Variants in SLC17A2 observed in about 807,000 individuals in gnomAD.
The protein encoded by SLC17A2 is solute carrier family 17 member 2.
In SLC17A2, 38 loss-of-function variants were observed where a neutral mutation model predicts 52.1. The ratio of observed to expected loss-of-function variants is 0.73; its 90% CI spans 0.56 to 0.96. SLC17A2 has a LOEUF of 0.96. SLC17A2 is among the 40% of genes least tolerant of loss of function. SLC17A2 has a pLI of 0.00. For synonymous variants in SLC17A2, 226 were observed against 211.9 expected, an observed-to-expected ratio of 1.07 and a Z score of -0.58; for missense variants, 508 against 583.9, an observed-to-expected ratio of 0.87 and a Z score of 1.34.
chr6:25,929,496 T>C (rs1766877449), intron 1 of SLC17A2, among the ~76,000 whole-genome samples: 1 of 152,194 alleles, frequency 6.6e-6, no homozygotes, highest in South Asian at 2.1e-4. Context: ...AAAAGTGCCT[T>C]TGATTGGTTG....
chr6:25,918,901 T>G lies in SLC17A2; in HGVS notation c.563-328A>C, dbSNP rs947673708. Among the ~76,000 whole-genome samples the G allele has an allele frequency of 2.0e-4, 31 of 152,208 alleles. 1 individual carries two copies. The highest frequency in any genetic ancestry group is 2.6e-4 in the Admixed American group (4 of 15,278). On this transcript the variant is annotated intron_variant, in intron 5 of 11. Coordinates refer to ENST00000377850, the MANE Select transcript of SLC17A2 (RefSeq NM_001286123.3). Reference sequence around the variant, plus strand: ...TGATTACAGTTGCATTCTTGCATGATCTAATATGAGGCTAGGGGCAGGAAA... The same window carrying G: ...TGATTACAGTTGCATTCTTGCATGAGCTAATATGAGGCTAGGGGCAGGAAA...
Position 25,918,520 on chromosome 6 carries a change from C to A in SLC17A2, c.616G>T (p.Ala206Ser). Residue 206 changes from alanine (A) to serine (S), a missense_variant, in exon 6 of 12, where the codon GCC becomes TCC. By Grantham distance (99) the Ala-to-Ser change is moderately conservative (BLOSUM62 1). Coordinates refer to ENST00000377850, the MANE Select transcript of SLC17A2 (RefSeq NM_001286123.3). ...TAGAAGATAAAAGGCCAGCTCAAGG[C>A]CTGTGAGATTAGTCCCCCCACACAG... ...ILCVGGLISQ[A>S]LSWPFIFYIF... The A allele has an allele frequency of 6.2e-7, 1 of 1,613,696 alleles. No individual in the cohort carries two copies. Among genetic ancestry groups the A allele is most frequent in the Non-Finnish European group, 8.5e-7 (1 of 1,179,666 alleles).
At chr6:25,920,710 G>A (rs1766518877) in intron 5 of SLC17A2, among the ~76,000 whole-genome samples, 1 of 152,212 alleles carries the variant, frequency 6.6e-6, no homozygotes, top group South Asian at 2.1e-4. Flanking sequence ...TTCCATGTGT[G>A]CAATTCTTAA....
rs927634466 is a variant in SLC17A2, at chr6:25,916,699, C to G, written c.916G>C (p.Val306Leu). The G allele has an allele frequency of 6.2e-7, 1 of 1,613,148 alleles. No homozygotes were observed. The highest frequency in any genetic ancestry group is 1.7e-5 in the Admixed American group (1 of 60,004). Reference protein sequence around the residue: ...LPTYISTLLHVNIRDSGVLSS... With the variant: ...LPTYISTLLHLNIRDSGVLSS... ...AGTAAACTCACATCTCTGATGTTAA[C>G]ATGGAGCAGAGTACTGATATACGTT... is the stretch of plus-strand genomic sequence containing the variant. Residue 306 changes from valine to leucine, a missense_variant, in exon 8 of 12, where the codon GTT (valine) becomes CTT (leucine). Transcript: ENST00000377850.
chr6:25,923,409 T>A (rs1766630904), intron 3 of SLC17A2, among the ~76,000 whole-genome samples: 3 of 152,200 alleles, frequency 2.0e-5, no homozygotes, highest in Non-Finnish European at 2.9e-5. Flanking sequence ...CCTATAAGAA[T>A]GTGCCCAGGT....
chr6:25,917,800 A>G (rs1226541036), intron 6 of SLC17A2, among the ~76,000 whole-genome samples: 3 of 152,224 alleles, frequency 2.0e-5, no homozygotes, highest in Non-Finnish European at 4.4e-5. Context: ...ATCCCCTCTA[A>G]TTACTGGATT....
intron 5 of SLC17A2, among the ~76,000 whole-genome samples, chr6:25,919,694 C>T (rs544029039): frequency 1.6e-3 from 71 of 45,684 alleles, no homozygotes; most frequent in African/African-American, 4.6e-3. Context: ...AGTGAGACAC[C>T]GTCTCAAAAA....
In SLC17A2 at chr6:25,915,654, A is replaced by G; in HGVS notation, c.1064-8T>C. 6.2e-7 allele frequency: 1 copy of G among 1,613,690 alleles called. No homozygotes were observed. Among genetic ancestry groups the G allele is most frequent in the Non-Finnish European group, 8.5e-7 (1 of 1,179,774 alleles). ...TTGATGGAAGGAGGAGCCCTGGGCA[A>G]TGAGGACATGCTGTCAGGGAACCCT... On this transcript the variant is annotated splice_region_variant and splice_polypyrimidine_tract_variant and intron_variant, in intron 9 of 11. Coordinates refer to ENST00000377850, the MANE Select transcript of SLC17A2 (RefSeq NM_001286123.3).
chr6:25,930,540 C>G lies in SLC17A2; in HGVS notation c.-347G>C, dbSNP rs1033315970. On this transcript the variant is annotated 5_prime_UTR_variant, in exon 1 of 12. Transcript: ENST00000377850. ...ACCCAAAAAGAAGAAAAGCACTTACCTTCACCATTAAACCAGTATTTTAAG... is the reference window on the plus strand; with the variant it reads ...ACCCAAAAAGAAGAAAAGCACTTACGTTCACCATTAAACCAGTATTTTAAG... 8 of 152,176 alleles carry G rather than the reference C, an allele frequency of 5.3e-5. No individual in the cohort carries two copies. The highest frequency in any genetic ancestry group is 1.9e-4 in the African/African-American group (8 of 41,434). 9.4% of individuals were successfully genotyped at this position (152,176 alleles called of 1,614,324 possible). A position where few individuals can be genotyped will look rare whatever the true frequency, so the allele number is the denominator to read the frequency against.
chr6:25,921,031 G>T lies in SLC17A2; in HGVS notation c.537C>A (p.Ser179Arg), dbSNP rs780034507. 3 of 1,614,208 alleles carry T rather than the reference G, an allele frequency of 1.9e-6. No individual in the cohort carries two copies. The East Asian group carries it at 6.7e-5, about 36-fold the overall frequency. The change falls in exon 5 of 12, where the codon AGC becomes AGA. Residue 179 changes from serine to arginine, a missense_variant. Transcript: ENST00000377850. ...CTGATCCTGCAATGGTGGTGAGCTT[G>T]CTTCGTTCAAGTGGAGGAGCCCACT... The part of the protein sequence containing the change: ...WAKWAPPLER[S>R]KLTTIAGSGS...
chr6:25,919,428 C>T (rs1766453595), intron 5 of SLC17A2, among the ~76,000 whole-genome samples: 1 of 151,890 alleles, frequency 6.6e-6, no homozygotes, highest in African/African-American at 2.4e-5. Context: ...GAAGTTTTGG[C>T]CGGGCGCGGT....
At chr6:25,924,285 G>C (rs2071297) in intron 2 of SLC17A2, among the ~76,000 whole-genome samples, 53,127 of 152,084 alleles carry the variant, frequency 0.35, 10,413 homozygotes, top group East Asian at 0.7. Flanking sequence ...GGCTGTAAGT[G>C]AATAGTCCCA....
At chr6:25,926,621 T>C (rs1029826698) in intron 1 of SLC17A2, among the ~76,000 whole-genome samples, 3 of 152,208 alleles carry the variant, frequency 2.0e-5, no homozygotes, top group Non-Finnish European at 2.9e-5. Context: ...CAAATTATCT[T>C]TGGGGATGCA....
In SLC17A2 at chr6:25,925,438, G is replaced by A. The variant is rs182470549; in HGVS notation, c.28+331C>T. 1.9e-3 allele frequency among the ~76,000 whole-genome samples: 284 copies of A among 151,074 alleles called. 2 individuals carry two copies. The highest frequency in any genetic ancestry group is 6.8e-3 in the Middle Eastern group (2 of 294). On this transcript the variant is annotated intron_variant, in intron 2 of 11. Transcript: ENST00000377850. ...TGAGGCAGGAGAATCACTTGAACCC[G>A]GGAGGCAGAGGTTGCAGTGAGCCGA... is the stretch of plus-strand genomic sequence containing the variant.
intron 6 of SLC17A2, among the ~76,000 whole-genome samples, chr6:25,917,561 C>T (rs981603049): frequency 2.0e-5 from 3 of 152,352 alleles, no homozygotes; most frequent in African/African-American, 7.2e-5. Flanking sequence ...TCAAGCCATA[C>T]ATCCATTATG....
At chr6:25,918,427 A>G in intron 6 of SLC17A2, 60 bp downstream of exon 6, 2 of 1,034,074 alleles carry the variant, frequency 1.9e-6, no homozygotes, top group East Asian at 2.4e-5. Context: ...TGGGTGGTGT[A>G]GGTGCCAAAA....
intron 1 of SLC17A2, among the ~76,000 whole-genome samples, chr6:25,928,422 TCTC>T: frequency 6.6e-6 from 1 of 152,140 alleles, no homozygotes; most frequent in Admixed American, 6.5e-5. Context: ...CAAAACTACT[TCTC>T]CTTGCTCTTT....
chr6:25,917,799 A>C (rs35169013), intron 6 of SLC17A2, among the ~76,000 whole-genome samples: 10,673 of 152,286 alleles, frequency 0.07, 428 homozygotes, highest in Non-Finnish European at 0.095. Flanking sequence ...AATCCCCTCT[A>C]ATTACTGGAT....
At chr6:25,922,961 C>T (rs199744) in intron 3 of SLC17A2, among the ~76,000 whole-genome samples, 45,885 of 151,836 alleles carry the variant, frequency 0.3, 7,517 homozygotes, top group African/African-American at 0.42. Flanking sequence ...TTTGGGAGGC[C>T]GAGGCGGGTG....
Sources: gnomAD v4.1 joint callset for allele counts (sites outside exome capture counted in the v4.1 genomes callset) on GRCh38, gnomAD v4.1.1 for gene constraint, MANE v1.5 for transcripts, NCBI Gene and HGNC (gene_info 2026-07-23, HGNC 2026-07-21) for gene names.